Variants in PRIM2 observed in about 807,000 individuals in gnomAD.
PRIM2 encodes DNA primase subunit 2, also known as DNA primase large subunit.
In PRIM2, 39 loss-of-function variants were observed where a neutral mutation model predicts 67.3. That is an observed-to-expected ratio of 0.58 (90% confidence interval 0.45 to 0.76). The LOEUF (loss-of-function observed/expected upper bound fraction) is 0.76. Among genes scored for constraint, PRIM2 ranks in the 30% least tolerant of loss-of-function variants. The probability of loss-of-function intolerance (pLI) is 0.00; values close to 1 mark genes in which losing one functional copy is unlikely to be tolerated. For missense variants in PRIM2, 398 were observed against 598.7 expected, an observed-to-expected ratio of 0.66 and a Z score of 3.50; for synonymous variants, 143 against 198.7, an observed-to-expected ratio of 0.72 and a Z score of 2.36.
At chr6:57,268,617 T>A in the PRIM2 span, among the ~76,000 whole-genome samples, 1 of 151,400 alleles carries the variant, frequency 6.6e-6, no homozygotes, top group African/African-American at 2.4e-5. Context: ...TCCCCCCACA[T>A]TTACTTATTT....
At chr6:57,446,773 C>A (rs1309480861) in intron 7 of PRIM2, among the ~76,000 whole-genome samples, 1 of 152,112 alleles carries the variant, frequency 6.6e-6, no homozygotes. Context: ...AGGTGAGTTG[C>A]GAGTCAGCTG....
intron 7 of PRIM2, among the ~76,000 whole-genome samples, chr6:57,398,323 G>A (rs1461749018): frequency 6.6e-6 from 1 of 152,026 alleles, no homozygotes; most frequent in Non-Finnish European, 1.5e-5. Context: ...TGCCTTAGCT[G>A]TATCCCAGAA....
chr6:57,244,819 A>G, the PRIM2 span, among the ~76,000 whole-genome samples: 1 of 152,266 alleles, frequency 6.6e-6, no homozygotes, highest in South Asian at 2.1e-4. Context: ...AGTTTTCAAA[A>G]CCAAAGTTTC....
At chr6:57,555,194 T>C (rs1361572950) in intron 10 of PRIM2, among the ~76,000 whole-genome samples, 3 of 152,252 alleles carry the variant, frequency 2.0e-5, no homozygotes, top group African/African-American at 7.2e-5. Flanking sequence ...TTTGGCATGG[T>C]TGAGCCATTT....
Position 57,497,755 on chromosome 6 carries a change from G to T in PRIM2, c.694-9632G>T, listed in dbSNP as rs1301249706. Reference sequence around the variant, plus strand: ...GCATTGTTGTGATGAAACCACCTCTGTTGTGAAGATCACCTGAAATAATGT... The same window carrying T: ...GCATTGTTGTGATGAAACCACCTCTTTTGTGAAGATCACCTGAAATAATGT... On this transcript the variant is annotated intron_variant, in intron 7 of 13. Transcript: ENST00000615550. 5.3e-5 allele frequency: 8 copies of T among 152,272 alleles called. No individual in the cohort carries two copies. The East Asian group carries it at 1.5e-3, about 29-fold the overall frequency. The allele number at this position is 152,272 out of a possible 1,614,324, so 9.4% of individuals were successfully genotyped here.
intron 5 of PRIM2, among the ~76,000 whole-genome samples, chr6:57,353,350 G>A (rs1330919803): frequency 2.6e-5 from 4 of 152,118 alleles, no homozygotes; most frequent in African/African-American, 9.7e-5. Context: ...AGGTTGTTCA[G>A]GGATGTAATA....
chr6:57,432,930 CAATACAAGT>C (rs566531340), intron 7 of PRIM2, among the ~76,000 whole-genome samples: 89 of 152,212 alleles, frequency 5.8e-4, no homozygotes, highest in Non-Finnish European at 1.1e-3. Flanking sequence ...TTTTAGTTCA[CAATACAAGT>C]AATACAGCTT....
chr6:57,392,805 T>C (rs1770397845), intron 7 of PRIM2, among the ~76,000 whole-genome samples: 8 of 152,052 alleles, frequency 5.3e-5, no homozygotes, highest in Non-Finnish European at 1.2e-4. Context: ...TACACCATTA[T>C]TTGTAGTCTT....
At chr6:57,626,242 A>G (rs1449858077) in intron 12 of PRIM2, among the ~76,000 whole-genome samples, 1 of 152,206 alleles carries the variant, frequency 6.6e-6, no homozygotes, top group Non-Finnish European at 1.5e-5. Flanking sequence ...GAGAGAGAGG[A>G]ATTTGCAGCT....
intron 5 of PRIM2, among the ~76,000 whole-genome samples, chr6:57,347,759 A>G (rs1443613585): frequency 1.3e-5 from 2 of 152,228 alleles, no homozygotes; most frequent in Admixed American, 1.3e-4. Flanking sequence ...TATGTAATTT[A>G]ATCCTCACAA....
chr6:57,318,800 A>G (rs1018309847), intron 2 of PRIM2, among the ~76,000 whole-genome samples: 17 of 152,142 alleles, frequency 1.1e-4, no homozygotes, highest in Non-Finnish European at 2.4e-4. Context: ...TTTATTGTAC[A>G]ATGCATATTA....
At chr6:57,632,932 A>G (rs1164819567) in intron 13 of PRIM2, among the ~76,000 whole-genome samples, 10 of 152,216 alleles carry the variant, frequency 6.6e-5, no homozygotes, top group African/African-American at 2.4e-4. Context: ...CCTTAGTACA[A>G]AAAAGCCTGC....
the PRIM2 span, among the ~76,000 whole-genome samples, chr6:57,253,186 T>C: frequency 8.4e-6 from 1 of 118,754 alleles, no homozygotes; most frequent in African/African-American, 3.2e-5. Context: ...AAAAACAACA[T>C]GCAAGTTAAA....
At chr6:57,238,741 C>CA in the PRIM2 span, among the ~76,000 whole-genome samples, 2 of 152,068 alleles carry the variant, frequency 1.3e-5, no homozygotes, top group Non-Finnish European at 2.9e-5. Context: ...GATAGAGACA[C>CA]AAAAAACCCT....
intron 8 of PRIM2, among the ~76,000 whole-genome samples, chr6:57,510,578 G>T (rs1270007765): frequency 6.6e-6 from 1 of 152,058 alleles, no homozygotes; most frequent in South Asian, 2.1e-4. Context: ...TTTCACTCAT[G>T]ACGGGTTGCT....
rs575006324 is a variant in PRIM2, at chr6:57,382,061, C to T, written c.586C>T (p.Arg196Ter). The T allele has an allele frequency of 9.9e-6, 16 of 1,611,604 alleles. No individual in the cohort carries two copies. The African/African-American group carries it at 1.2e-4, about 12-fold the overall frequency. Reference sequence around the variant, plus strand: ...TTTTGCTGATGCTCTGGATTTGTTTCGAGGAAGGAAAGTCTATTTGGAAGA... The same window carrying T: ...TTTTGCTGATGCTCTGGATTTGTTTTGAGGAAGGAAAGTCTATTTGGAAGA... ...IPFADALDLF[R>*]GRKVYLEDGF... is the part of the protein sequence containing the mutation. Residue 196 changes from arginine to a stop codon, truncating the protein, a stop_gained, in exon 7 of 14, where the codon CGA (arginine) becomes TGA (stop). Coordinates refer to ENST00000615550, the MANE Select transcript of PRIM2 (RefSeq NM_000947.5). LOFTEE classifies it high-confidence loss of function.
At chr6:57,366,251 A>G (rs1769354223) in intron 5 of PRIM2, among the ~76,000 whole-genome samples, 1 of 152,226 alleles carries the variant, frequency 6.6e-6, no homozygotes, top group South Asian at 2.1e-4. Context: ...GTGTAAAGTC[A>G]TAGAAGTGAA....
intron 9 of PRIM2, among the ~76,000 whole-genome samples, chr6:57,535,297 A>C (rs1774981341): frequency 6.6e-6 from 1 of 152,126 alleles, no homozygotes; most frequent in African/African-American, 2.4e-5. Flanking sequence ...GGGATATTGA[A>C]TAATCCAGTG....
At chr6:57,270,306 T>C in the PRIM2 span, among the ~76,000 whole-genome samples, 2 of 152,184 alleles carry the variant, frequency 1.3e-5, no homozygotes, top group African/African-American at 4.8e-5. Context: ...TTTTATTTCA[T>C]TGAGCAGTGG....
Sources: allele counts gnomAD v4.1 joint callset (sites outside exome capture counted in the v4.1 genomes callset), GRCh38; gene constraint gnomAD v4.1.1; transcripts MANE v1.5; gene names NCBI Gene and HGNC (gene_info 2026-07-23, HGNC 2026-07-21).